The following PFKP variants were observed in gnomAD, a reference collection of about 807,000 sequenced individuals.
The protein encoded by PFKP is ATP-dependent 6-phosphofructokinase, platelet type.
PFKP carries 101 observed loss-of-function variants against 94.3 expected under a neutral mutation model. The observed-to-expected ratio is 1.07, with a 90% CI of 0.91 to 1.26. The LOEUF (loss-of-function observed/expected upper bound fraction) is 1.26. Ranked by LOEUF, PFKP falls within the 50% of genes most tolerant of loss-of-function variation. The probability of loss-of-function intolerance (pLI) is 0.00; values close to 1 mark genes in which losing one functional copy is unlikely to be tolerated. For missense variants in PFKP, 1,145 were observed against 1,103.3 expected (o/e 1.04, Z -0.53); for synonymous variants, 573 against 432.6 (o/e 1.32, Z -4.03).
At chr10:3,101,681 A>C in intron 4 of PFKP, 127 bp downstream of exon 4, 1 of 614,750 alleles carries the variant, frequency 1.6e-6, no homozygotes, top group Non-Finnish European at 2.7e-6. Context: ...TCACCATCTC[A>C]GGACTTTTTA....
intron 21 of PFKP, among the ~76,000 whole-genome samples, chr10:3,136,188 C>T (rs1251721979): frequency 6.6e-6 from 1 of 152,148 alleles, no homozygotes; most frequent in Non-Finnish European, 1.5e-5. Context: ...TCGCTTGAAC[C>T]CGGGAGGCAG....
rs767526957 is a variant in PFKP at position 3,099,366 on chromosome 10, T to A, written c.264+14T>A. 11 of 1,604,828 alleles carry A rather than the reference T, an allele frequency of 6.9e-6. No homozygotes were observed. The highest frequency in any genetic ancestry group is 9.4e-6 in the Non-Finnish European group (11 of 1,172,108). On this transcript the variant is annotated intron_variant, in intron 3 of 21. Coordinates refer to ENST00000381125, the MANE Select transcript of PFKP (RefSeq NM_002627.5). ...ATCCTGCAAGTGGTAGGTACTGGGCTGCGTCCACAGGGTTCTCTGAGTTAG... is the reference window on the plus strand; with the variant it reads ...ATCCTGCAAGTGGTAGGTACTGGGCAGCGTCCACAGGGTTCTCTGAGTTAG...
At position 3,116,835 on chromosome 10, in the gene PFKP, T is replaced by G. The variant is rs767092276; in HGVS notation, c.1431T>G (p.Leu477=). The G allele has an allele frequency of 6.2e-7, 1 of 1,611,498 alleles. No individual in the cohort carries two copies. Among genetic ancestry groups the G allele is most frequent in the Admixed American group, 1.7e-5 (1 of 60,028 alleles). The change falls in exon 14 of 22, where the codon CTT becomes CTG. Residue 477 remains leucine (L), a synonymous_variant. Coordinates refer to ENST00000381125, the MANE Select transcript of PFKP (RefSeq NM_002627.5). ...GGACCGGCCAAGGAGGCTCCATTCT[T>G]GGGACAAAACGGTAACTTCCAAATC... is the stretch of plus-strand genomic sequence containing the variant. ...GGWTGQGGSI[L]GTKRVLPGKY...
At chr10:3,113,215 C>G in intron 12 of PFKP, 27 bp downstream of exon 12, 1 of 1,604,420 alleles carries the variant, frequency 6.2e-7, no homozygotes, top group Non-Finnish European at 8.5e-7. Context: ...CCGCGATGCC[C>G]CGACCTCTCC....
At chr10:3,097,292 A>G (rs1236538962) in intron 2 of PFKP, among the ~76,000 whole-genome samples, 1 of 151,940 alleles carries the variant, frequency 6.6e-6, no homozygotes, top group African/African-American at 2.4e-5. Flanking sequence ...TGGACAGAGC[A>G]TCCGCAGCAG....
At chr10:3,084,239 C>A (rs1833308694) in intron 2 of PFKP, among the ~76,000 whole-genome samples, 2 of 152,202 alleles carry the variant, frequency 1.3e-5, no homozygotes, top group African/African-American at 4.8e-5. Context: ...CTCGTCCCAG[C>A]CCCGCGCAGG....
chr10:3,105,343 C>A, intron 6 of PFKP, 50 bp from the exon 7 acceptor site: 2 of 1,506,282 alleles, frequency 1.3e-6, no homozygotes, highest in Non-Finnish European at 1.8e-6. Flanking sequence ...GGGCTGCCCT[C>A]GTGGGAAGGA....
At position 3,103,784 on chromosome 10, in the gene PFKP, A is replaced by G; in HGVS notation, c.460A>G (p.Ile154Val). The change falls in exon 5 of 22, where the codon ATC becomes GTC. Residue 154 changes from isoleucine (I) to valine (V), a missense_variant. Physicochemically the swap from Ile to Val is conservative, Grantham distance 29. Transcript: ENST00000381125. Reference sequence around the variant, plus strand: ...GCTGTTTGCTCCCCGCGCAGGCCAGATCGATAAGGAGGCCGTGCAGAAGTA... The same window carrying G: ...GCTGTTTGCTCCCCGCGCAGGCCAGGTCGATAAGGAGGCCGTGCAGAAGTA... ...LLEELARNGQ[I>V]DKEAVQKYAY... 3 of 1,613,894 alleles carry G rather than the reference A, an allele frequency of 1.9e-6. No individual in the cohort carries two copies. Among genetic ancestry groups the G allele is most frequent in the African/African-American group, 2.7e-5 (2 of 75,068 alleles).
chr10:3,099,194 C>A, intron 2 of PFKP, 81 bp from the exon 3 acceptor site: 1 of 1,120,056 alleles, frequency 8.9e-7, no homozygotes, highest in Non-Finnish European at 1.4e-6. Context: ...TGTCATTTTT[C>A]CCGTTTTATA....
chr10:3,112,179 G>C, intron 10 of PFKP, 43 bp from the exon 11 acceptor site: 1 of 1,520,788 alleles, frequency 6.6e-7, no homozygotes, highest in Non-Finnish European at 9.1e-7. Context: ...TGATGCACCA[G>C]GTCCTGACAC....
chr10:3,134,227 G>A (rs963456100), intron 19 of PFKP, among the ~76,000 whole-genome samples: 1 of 152,172 alleles, frequency 6.6e-6, no homozygotes, highest in African/African-American at 2.4e-5. Context: ...CCTGATTTAA[G>A]ATTTTAAAAT....
intron 15 of PFKP, among the ~76,000 whole-genome samples, 191 bp downstream of exon 15, chr10:3,119,060 A>C (rs1837124765): frequency 6.7e-6 from 1 of 148,394 alleles, no homozygotes. Flanking sequence ...GCCCAGTTCC[A>C]GTAAAGCAAC....
intron 11 of PFKP, 42 bp from the exon 12 acceptor site, chr10:3,113,077 C>G (rs375159581): frequency 1.3e-6 from 2 of 1,572,340 alleles, no homozygotes; most frequent in South Asian, 1.1e-5. Flanking sequence ...GAGTTGTGTC[C>G]GGTATTCTCG....
chr10:3,099,581 C>T (rs193196285), intron 3 of PFKP, among the ~76,000 whole-genome samples: 47 of 152,324 alleles, frequency 3.1e-4, no homozygotes, highest in African/African-American at 1.1e-3. Context: ...GGTGCCTCCC[C>T]GCTGAAGACG....
chr10:3,084,178 A>G (rs1833303808), intron 2 of PFKP, among the ~76,000 whole-genome samples: 1 of 152,256 alleles, frequency 6.6e-6, no homozygotes, highest in South Asian at 2.1e-4. Context: ...GACAGTCATC[A>G]TGATGGCTTG....
At chr10:3,097,939 A>G (rs1358666732) in intron 2 of PFKP, among the ~76,000 whole-genome samples, 1 of 152,016 alleles carries the variant, frequency 6.6e-6, no homozygotes, top group Non-Finnish European at 1.5e-5. Flanking sequence ...AACCTGGGAG[A>G]TGTAAGTTGC....
In PFKP at chr10:3,119,475, G is replaced by C. The variant is rs578050607; in HGVS notation, c.1531-417G>C. Among the ~76,000 whole-genome samples, 349 of 152,178 alleles carry C rather than the reference G, an allele frequency of 2.3e-3. 4 individuals carry two copies. The highest frequency in any genetic ancestry group is 7.9e-3 in the African/African-American group (329 of 41,558). ...TAAAAATTAGCCGGGTGTGGTGGCA[G>C]GTGCCTGTAGTCCCAGCTACCCGGG... On this transcript the variant is annotated intron_variant, in intron 15 of 21. Coordinates refer to ENST00000381125, the MANE Select transcript of PFKP (RefSeq NM_002627.5).
At chr10:3,100,965 C>T (rs1444650708) in intron 3 of PFKP, 3 of 1,612,194 alleles carry the variant, frequency 1.9e-6, no homozygotes, top group Non-Finnish European at 2.5e-6. Flanking sequence ...CTGCTGGTCA[C>T]ACCGCTTCCC....
At chr10:3,105,241 C>A (rs1835418636) in intron 6 of PFKP, 82 bp downstream of exon 6, 1 of 1,403,212 alleles carries the variant, frequency 7.1e-7, no homozygotes, top group East Asian at 2.3e-5. Context: ...CACCCCACAT[C>A]CTGAATGCTC....
Sources: allele counts gnomAD v4.1 joint callset (sites outside exome capture counted in the v4.1 genomes callset), GRCh38; gene constraint gnomAD v4.1.1; transcripts MANE v1.5; gene names NCBI Gene and HGNC (gene_info 2026-07-23, HGNC 2026-07-21).